The following SLC39A6 variants were observed in gnomAD, a reference collection of about 807,000 sequenced individuals.
SLC39A6 encodes the protein zinc transporter ZIP6.
SLC39A6 carries 51 observed loss-of-function variants against 63.5 expected under a neutral mutation model. That is an observed-to-expected ratio of 0.80 (90% CI 0.64 to 1.01). The LOEUF is 1.01. Among genes scored for constraint, SLC39A6 ranks in the 50% least tolerant of loss-of-function variants. SLC39A6 has a pLI of 0.00. For missense variants in SLC39A6, 805 were observed against 927.8 expected, an observed-to-expected ratio of 0.87 and a Z score of 1.72; for synonymous variants, 318 against 324.7, an observed-to-expected ratio of 0.98 and a Z score of 0.22.
At chr18:36,115,100 A>G (rs1218912153) in intron 6 of SLC39A6, among the ~76,000 whole-genome samples, 1 of 152,176 alleles carries the variant, frequency 6.6e-6, no homozygotes, top group Non-Finnish European at 1.5e-5. Context: ...TTTCTAGGGC[A>G]GGTATTTCCT....
At chr18:36,123,382 C>T (rs928895786) in intron 4 of SLC39A6, 113 bp downstream of exon 4, 10 of 964,362 alleles carry the variant, frequency 1.0e-5, no homozygotes, top group Non-Finnish European at 1.5e-5. Flanking sequence ...TTAAAATAAG[C>T]TTTTCTAAAC....
chr18:36,113,976 TA>T, intron 7 of SLC39A6, 120 bp downstream of exon 7: 2 of 1,243,606 alleles, frequency 1.6e-6, no homozygotes, highest in African/African-American at 3.0e-5. Flanking sequence ...AACATTTTTA[TA>T]ATCTTGGAAG....
At chr18:36,127,754 T>C (rs1283400660) in intron 1 of SLC39A6, among the ~76,000 whole-genome samples, 1 of 148,842 alleles carries the variant, frequency 6.7e-6, no homozygotes, top group Non-Finnish European at 1.5e-5. Context: ...CTCAAATACA[T>C]GTATACTTAA....
intron 5 of SLC39A6, among the ~76,000 whole-genome samples, chr18:36,118,841 G>T (rs1262375333): frequency 6.6e-6 from 1 of 152,186 alleles, no homozygotes; most frequent in African/African-American, 2.4e-5. Context: ...CCTATTAGGA[G>T]GCAGTAACTG....
At chr18:36,116,986 C>T (rs1281197398) in intron 5 of SLC39A6, among the ~76,000 whole-genome samples, 2 of 152,196 alleles carry the variant, frequency 1.3e-5, no homozygotes, top group South Asian at 2.1e-4. Flanking sequence ...CGCCTGTAAT[C>T]GCAGCACTTT....
chr18:36,126,963 G>T lies in SLC39A6; in HGVS notation c.45C>A (p.Leu15=), dbSNP rs555797878. The change falls in exon 2 of 10, where the codon CTC becomes CTA. Residue 15 remains leucine, a synonymous_variant. Transcript: ENST00000269187. ...GTTCATGAAGGGGATTTGTGACAGA[G>T]AGGGCAAAGGTCAGGATCAAGATTA... is the stretch of plus-strand genomic sequence containing the variant. The part of the protein sequence containing the change: ...LSVILILTFA[L]SVTNPLHELK... 6.2e-7 allele frequency: 1 copy of T among 1,614,132 alleles called. No individual in the cohort carries two copies. Among genetic ancestry groups the T allele is most frequent in the Non-Finnish European group, 8.5e-7 (1 of 1,180,002 alleles).
At chr18:36,122,722 T>A (rs2089404368) in intron 4 of SLC39A6, among the ~76,000 whole-genome samples, 1 of 152,178 alleles carries the variant, frequency 6.6e-6, no homozygotes, top group Non-Finnish European at 1.5e-5. Context: ...TGTAACTGAG[T>A]GGAGTAGTAA....
At chr18:36,124,772 T>C (rs577779456) in intron 2 of SLC39A6, 72 bp from the exon 3 acceptor site, 3 of 1,145,284 alleles carry the variant, frequency 2.6e-6, no homozygotes, top group Non-Finnish European at 3.6e-6. Flanking sequence ...ACAATACCCT[T>C]TTTTACTAAT....
chr18:36,124,886 T>C (rs773218307), intron 2 of SLC39A6, among the ~76,000 whole-genome samples, 186 bp from the exon 3 acceptor site: 5 of 152,236 alleles, frequency 3.3e-5, no homozygotes, highest in Non-Finnish European at 7.3e-5. Flanking sequence ...ACCACAGTGG[T>C]ATCCCACCTC....
At chr18:36,122,636 A>AT (rs1187544309) in intron 4 of SLC39A6, among the ~76,000 whole-genome samples, 17 of 145,870 alleles carry the variant, frequency 1.2e-4, no homozygotes, top group African/African-American at 4.2e-4. Context: ...TCACACTAGC[A>AT]TTGTAAGAAG....
chr18:36,126,382 CT>C lies in SLC39A6; in HGVS notation c.625del (p.Arg209AspfsTer10). On this transcript the variant is annotated frameshift_variant, in exon 2 of 10. Transcript: ENST00000269187. LOFTEE classifies it high-confidence loss of function. ...THFLETIETP[R>X]PGKLFPKDVS... The stretch of plus-strand genomic sequence containing the variant: ...ATCTTTGGGGAAGAGTTTTCCAGGT[CT>C]TGGAGTCTCTATTGTCTCTAGAAAG... 1.2e-6 allele frequency: 2 copies of C among 1,614,206 alleles called. No homozygotes were observed. The highest frequency in any genetic ancestry group is 1.7e-6 in the Non-Finnish European group (2 of 1,180,036).
At chr18:36,122,726 G>A (rs1214235048) in intron 4 of SLC39A6, among the ~76,000 whole-genome samples, 1 of 152,218 alleles carries the variant, frequency 6.6e-6, no homozygotes, top group African/African-American at 2.4e-5. Flanking sequence ...ACTGAGTGGA[G>A]TAGTAACTAC....
rs1465876889 is a variant in SLC39A6, at chr18:36,109,088, C to T, written c.*505G>A. The T allele has an allele frequency of 6.6e-6, 1 of 152,186 alleles. No homozygotes were observed. Among genetic ancestry groups the T allele is most frequent in the Non-Finnish European group, 1.5e-5 (1 of 68,028 alleles). 9.4% of individuals were successfully genotyped at this position (152,186 alleles called of 1,614,324 possible). A position where few individuals can be genotyped will look rare whatever the true frequency, so the allele number is the denominator to read the frequency against. On this transcript the variant is annotated 3_prime_UTR_variant, in exon 10 of 10. Coordinates refer to ENST00000269187, the MANE Select transcript of SLC39A6 (RefSeq NM_012319.4). The stretch of plus-strand genomic sequence containing the variant: ...TTATACTTAATTCTAAATTTCTCCC[C>T]TCTAATTTACAACAAATTTTGTGAT...
At chr18:36,121,964 C>T (rs759372015) in intron 5 of SLC39A6, 88 bp downstream of exon 5, 22 of 942,842 alleles carry the variant, frequency 2.3e-5, no homozygotes, top group Non-Finnish European at 3.3e-5. Flanking sequence ...CTCATACAAC[C>T]TGGGCATGCT....
chr18:36,124,118 T>C (rs2144510662), intron 3 of SLC39A6, among the ~76,000 whole-genome samples: 1 of 152,292 alleles, frequency 6.6e-6, no homozygotes. Context: ...TCCTTCCTCA[T>C]TACTTTTGAG....
In SLC39A6 at chr18:36,127,028, A is replaced by T; in HGVS notation, c.-9-12T>A. 1.9e-6 allele frequency: 3 copies of T among 1,563,244 alleles called. No homozygotes were observed. Among genetic ancestry groups the T allele is most frequent in the Non-Finnish European group, 2.6e-6 (3 of 1,158,574 alleles). On this transcript the variant is annotated splice_polypyrimidine_tract_variant and intron_variant, in intron 1 of 9. Coordinates refer to ENST00000269187, the MANE Select transcript of SLC39A6 (RefSeq NM_012319.4). The stretch of plus-strand genomic sequence containing the variant: ...GCCATTGCGCCTTCCTAGAAAAGAC[A>T]GGAAAAAAAAATTCTTGACTCACTT...
chr18:36,124,647 C>T lies in SLC39A6; in HGVS notation c.843G>A (p.Pro281=), dbSNP rs750725506. The part of the protein sequence containing the change: ...LTSHGMGIQV[P]LNATEFNYLC... ...GATAGTTGAACTCTGTTGCATTCAG[C>T]GGAACCTGGATGCCCATGCCATGAG... is the stretch of plus-strand genomic sequence containing the variant. Residue 281 remains proline (P), a synonymous_variant, in exon 3 of 10, where the codon CCG becomes CCA. Coordinates refer to ENST00000269187, the MANE Select transcript of SLC39A6 (RefSeq NM_012319.4). The T allele has an allele frequency of 7.0e-6, 11 of 1,582,096 alleles. No homozygotes were observed. The highest frequency in any genetic ancestry group is 3.4e-5 in the South Asian group (3 of 88,930).
At position 36,126,936 on chromosome 18, in the gene SLC39A6, T is replaced by C. The variant is rs778140395; in HGVS notation, c.72A>G (p.Leu24=). 6.2e-7 allele frequency: 1 copy of C among 1,614,202 alleles called. No homozygotes were observed. The highest frequency in any genetic ancestry group is 8.5e-7 in the Non-Finnish European group (1 of 1,180,034). ...TGGTCTGGGGGAAAGCAGCTGCTTT[T>C]AGTTCATGAAGGGGATTTGTGACAG... ...ALSVTNPLHE[L]KAAAFPQTTE... Residue 24 remains leucine (L), a synonymous_variant, in exon 2 of 10, where the codon CTA becomes CTG. Coordinates refer to ENST00000269187, the MANE Select transcript of SLC39A6 (RefSeq NM_012319.4).
chr18:36,121,598 A>C (rs942256811), intron 5 of SLC39A6, among the ~76,000 whole-genome samples: 7 of 152,182 alleles, frequency 4.6e-5, no homozygotes, highest in Admixed American at 4.6e-4. Flanking sequence ...ACTTCATACC[A>C]TTTCTGATCC....
Sources: gnomAD v4.1 joint callset for allele counts (sites outside exome capture counted in the v4.1 genomes callset) on GRCh38, gnomAD v4.1.1 for gene constraint, MANE v1.5 for transcripts, NCBI Gene and HGNC (gene_info 2026-07-23, HGNC 2026-07-21) for gene names.